The following KLC1 variants were observed in gnomAD, a reference collection of about 807,000 sequenced individuals.
KLC1 encodes the protein kinesin light chain 1, also known as kinesin 2 60/70kDa.
Under a neutral mutation model 84.2 loss-of-function variants are expected in KLC1, and 30 were observed. The observed-to-expected ratio is 0.36, with a 90% CI of 0.27 to 0.48. The LOEUF (loss-of-function observed/expected upper bound fraction) is 0.48, where lower values mean the gene tolerates loss of function less well. Ranked by LOEUF, KLC1 falls within the 20% of genes least tolerant of loss-of-function variation. KLC1 has a pLI of 0.99. For missense variants in KLC1, 499 were observed against 805.4 expected (o/e 0.62, Z 4.60); for synonymous variants, 289 against 293.3 (o/e 0.99, Z 0.15).
chr14:103,644,190 G>A (rs1272208596), intron 1 of KLC1, among the ~76,000 whole-genome samples: 12 of 145,922 alleles, frequency 8.2e-5, no homozygotes, highest in African/African-American at 3.0e-4. Context: ...ACATCAGCCT[G>A]GGCAACAGAG....
chr14:103,699,108 GCA>G (rs1270345126), intron 15 of KLC1: 3 of 1,570,380 alleles, frequency 1.9e-6, no homozygotes, highest in Admixed American at 3.7e-5. Context: ...GCACAGAGGT[GCA>G]CACACCACAT....
intron 1 of KLC1, among the ~76,000 whole-genome samples, chr14:103,633,671 G>T (rs925420937): frequency 1.3e-5 from 2 of 151,970 alleles, no homozygotes; most frequent in African/African-American, 4.8e-5. Flanking sequence ...AGTGTCCTCT[G>T]AGCACCCCAC....
intron 1 of KLC1, among the ~76,000 whole-genome samples, chr14:103,639,423 G>A (rs1206466028): frequency 6.6e-6 from 1 of 151,218 alleles, no homozygotes; most frequent in African/African-American, 2.4e-5. Flanking sequence ...GAGCCACCAC[G>A]CCTGGCTCTT....
chr14:103,650,526 A>G lies in KLC1; in HGVS notation c.-1-4038A>G, dbSNP rs2078342923. ...TCAACTTAGATACTGAGTAATTTTT[A>G]CCTTGCAGAAATCAGTAAATCAGTG... On this transcript the variant is annotated intron_variant, in intron 1 of 16. Transcript: ENST00000334553. 2.6e-5 allele frequency among the ~76,000 whole-genome samples: 4 copies of G among 151,390 alleles called. No individual in the cohort carries two copies. The South Asian group carries it at 8.3e-4, about 32-fold the overall frequency.
At chr14:103,655,281 T>C (rs2078747881) in intron 2 of KLC1, among the ~76,000 whole-genome samples, 1 of 152,154 alleles carries the variant, frequency 6.6e-6, no homozygotes, top group Non-Finnish European at 1.5e-5. Context: ...TAAATTACTA[T>C]TGATTTGGGC....
chr14:103,675,788 CCAAAAAG>C (rs1387311442), intron 11 of KLC1, 32 bp downstream of exon 11: 1 of 1,589,766 alleles, frequency 6.3e-7, no homozygotes, highest in South Asian at 1.1e-5. Context: ...GCTGGAAAAA[CCAAAAAG>C]CAGGGGGAAG....
intron 16 of KLC1, among the ~76,000 whole-genome samples, 185 bp downstream of exon 16, chr14:103,700,912 G>C (rs76914197): frequency 0.024 from 3,647 of 152,268 alleles, 141 homozygotes; most frequent in African/African-American, 0.082. Flanking sequence ...GCCACAGAGT[G>C]GGGGGGTGGG....
At chr14:103,663,945 T>C (rs2151592504) in intron 5 of KLC1, among the ~76,000 whole-genome samples, 1 of 152,220 alleles carries the variant, frequency 6.6e-6, no homozygotes, top group South Asian at 2.1e-4. Flanking sequence ...TAAAAATAAG[T>C]TTTGAAAGTT....
intron 12 of KLC1, among the ~76,000 whole-genome samples, chr14:103,677,971 TAAAAA>T (rs34560300): frequency 2.9e-5 from 4 of 136,286 alleles, no homozygotes; most frequent in Admixed American, 2.9e-4. Flanking sequence ...CGTCTCAATT[TAAAAA>T]AAAAAAAAAA....
At chr14:103,673,779 C>T (rs567905123) in intron 9 of KLC1, among the ~76,000 whole-genome samples, 10 of 152,154 alleles carry the variant, frequency 6.6e-5, no homozygotes, top group Middle Eastern at 3.4e-3. Flanking sequence ...AAAACTTAGC[C>T]GGGTGTGATG....
chr14:103,658,428 G>GT (rs536826342), intron 3 of KLC1, among the ~76,000 whole-genome samples: 1,723 of 91,204 alleles, frequency 0.019, 133 homozygotes, highest in African/African-American at 0.064. Flanking sequence ...GCCCAGCTAA[G>GT]TTTTTTTTTT....
intron 13 of KLC1, chr14:103,684,725 T>C (rs1254193292): frequency 4.3e-5 from 15 of 346,072 alleles, no homozygotes; most frequent in South Asian, 2.0e-4. Context: ...TGTGCACGCG[T>C]GTGTGTGTGT....
chr14:103,651,167 G>A (rs1241771626), intron 1 of KLC1, among the ~76,000 whole-genome samples: 3 of 151,744 alleles, frequency 2.0e-5, no homozygotes, highest in South Asian at 2.1e-4. Flanking sequence ...GCACCACCAC[G>A]CCCGGCTAAT....
At chr14:103,686,104 A>C in intron 13 of KLC1, 1 of 998,654 alleles carries the variant, frequency 1.0e-6, no homozygotes, top group Non-Finnish European at 1.2e-6. Flanking sequence ...ATGCCCCAGT[A>C]GCATTTGCTG....
At chr14:103,654,904 C>A in intron 2 of KLC1, 79 bp downstream of exon 2, 1 of 1,456,586 alleles carries the variant, frequency 6.9e-7, no homozygotes, top group Non-Finnish European at 9.3e-7. Flanking sequence ...AGCAGTTTCA[C>A]TAAAGAAGAG....
intron 12 of KLC1, among the ~76,000 whole-genome samples, chr14:103,678,696 AG>A (rs2081122931): frequency 6.6e-6 from 1 of 151,424 alleles, no homozygotes; most frequent in South Asian, 2.1e-4. Flanking sequence ...TCTCAAAGAA[AG>A]AAAAAAAAAA....
Position 103,700,708 on chromosome 14 carries a change from TG to T in KLC1, c.1904del (p.Gly635GlufsTer7). ...GAAAACGACAGCAGCAGCAGTGGCCTGGAAGACGCCACCGCTAACGTGAGTC... is the reference window on the plus strand; with the variant it reads ...GAAAACGACAGCAGCAGCAGTGGCCTGAAGACGCCACCGCTAACGTGAGTC... ...CGKRQQQQWP[G>X]RRHR is the part of the protein sequence containing the mutation. On this transcript the variant is annotated frameshift_variant, in exon 16 of 17. Transcript: ENST00000334553. LOFTEE classifies it high-confidence loss of function. The T allele has an allele frequency of 6.2e-7, 1 of 1,602,812 alleles. No homozygotes were observed. The highest frequency in any genetic ancestry group is 8.5e-7 in the Non-Finnish European group (1 of 1,175,568).
intron 1 of KLC1, 146 bp from the exon 2 acceptor site, chr14:103,654,418 A>G (rs570139548): frequency 2.1e-5 from 12 of 576,538 alleles, no homozygotes; most frequent in South Asian, 8.4e-5. Context: ...ACTGCAGAAT[A>G]TGGTATTTCA....
chr14:103,700,913 G>T (rs191465287), intron 16 of KLC1, among the ~76,000 whole-genome samples, 186 bp downstream of exon 16: 214 of 152,316 alleles, frequency 1.4e-3, no homozygotes, highest in Non-Finnish European at 2.1e-3. Flanking sequence ...CCACAGAGTG[G>T]GGGGGTGGGA....
Sources: gnomAD v4.1 joint callset for allele counts (sites outside exome capture counted in the v4.1 genomes callset) on GRCh38, gnomAD v4.1.1 for gene constraint, MANE v1.5 for transcripts, NCBI Gene and HGNC (gene_info 2026-07-23, HGNC 2026-07-21) for gene names.